The following LPP variants were observed in gnomAD, a reference collection of about 807,000 sequenced individuals.
The protein encoded by LPP is LIM domain containing preferred translocation partner in lipoma.
Under a neutral mutation model 60.4 loss-of-function variants are expected in LPP, and 38 were observed. The observed-to-expected ratio is 0.63, with a 90% confidence interval of 0.49 to 0.83. LPP has a LOEUF of 0.83. Among genes scored for constraint, LPP ranks in the 40% least tolerant of loss-of-function variants. The pLI is 0.00. For synonymous variants in LPP, 328 were observed against 290.8 expected (o/e 1.13, Z -1.30); for missense variants, 902 against 783.6 (o/e 1.15, Z -1.80).
chr3:188,884,260 A>G lies in LPP; in HGVS notation c.*9781A>G, dbSNP rs1282976049. The G allele has an allele frequency of 8.7e-6, 2 of 229,828 alleles. No homozygotes were observed. The highest frequency in any genetic ancestry group is 1.7e-5 in the Non-Finnish European group (2 of 115,998). 14.2% of individuals were successfully genotyped at this position (229,828 alleles called of 1,614,324 possible). On this transcript the variant is annotated 3_prime_UTR_variant, in exon 12 of 12. Coordinates refer to ENST00000617246, the MANE Select transcript of LPP (RefSeq NM_001375462.1). Reference sequence around the variant, plus strand: ...GCTGGGAAGTGGCAGATTTGGGGATATAACCAGGTCTTGCAAGTCCAGTGC... The same window carrying G: ...GCTGGGAAGTGGCAGATTTGGGGATGTAACCAGGTCTTGCAAGTCCAGTGC...
At chr3:188,320,084 G>T (rs1264346151) in intron 2 of LPP, among the ~76,000 whole-genome samples, 1 of 152,218 alleles carries the variant, frequency 6.6e-6, no homozygotes, top group East Asian at 1.9e-4. Flanking sequence ...GGTGAAGTAC[G>T]CTTCTCATTG....
At chr3:188,789,381 T>C (rs1023775393) in intron 9 of LPP, among the ~76,000 whole-genome samples, 2 of 152,206 alleles carry the variant, frequency 1.3e-5, no homozygotes, top group Non-Finnish European at 2.9e-5. Context: ...CCCAGGGGGC[T>C]GGCCTTGAGC....
At chr3:188,771,317 G>A (rs1307756245) in intron 9 of LPP, among the ~76,000 whole-genome samples, 1 of 152,032 alleles carries the variant, frequency 6.6e-6, no homozygotes, top group East Asian at 1.9e-4. Context: ...GGGAGGCCGA[G>A]GTGCACAGAT....
chr3:188,514,249 C>A (rs1169755454), intron 5 of LPP, among the ~76,000 whole-genome samples: 2 of 151,790 alleles, frequency 1.3e-5, no homozygotes, highest in African/African-American at 4.8e-5. Flanking sequence ...CCCTCTCTCC[C>A]TTCCTCTTTT....
At chr3:188,354,188 A>C (rs566141938) in intron 3 of LPP, among the ~76,000 whole-genome samples, 1 of 152,076 alleles carries the variant, frequency 6.6e-6, no homozygotes, top group African/African-American at 2.4e-5. Context: ...AATGTCGAGC[A>C]GTCTTCTTTT....
intron 6 of LPP, among the ~76,000 whole-genome samples, chr3:188,577,576 T>G (rs981409396): frequency 6.6e-6 from 1 of 151,094 alleles, no homozygotes; most frequent in African/African-American, 2.4e-5. Context: ...TACTATATAT[T>G]TTAATAAATT....
At chr3:188,175,225 AC>A (rs1263310237) in intron 1 of LPP, among the ~76,000 whole-genome samples, 2 of 152,062 alleles carry the variant, frequency 1.3e-5, no homozygotes, top group African/African-American at 4.8e-5. Context: ...AGCTGGGATT[AC>A]AGGTGCCTCC....
chr3:188,828,282 C>T (rs1756128191), intron 9 of LPP, among the ~76,000 whole-genome samples: 1 of 151,864 alleles, frequency 6.6e-6, no homozygotes, highest in Non-Finnish European at 1.5e-5. Flanking sequence ...CTAAGAGTCT[C>T]AGTTCCAGAG....
chr3:188,332,342 G>C (rs10470533), intron 2 of LPP, among the ~76,000 whole-genome samples: 1 of 152,228 alleles, frequency 6.6e-6, no homozygotes, highest in South Asian at 2.1e-4. Context: ...TTAACTCCTC[G>C]CTAAATGCTT....
At position 188,603,495 on chromosome 3, in the gene LPP, G is replaced by C. The variant is rs867698447; in HGVS notation, c.430-5666G>C. ...GCCACCTACTAGTGATGTGTCCTTGGGCAGTTACTTAATCTCTCGTCAATA... is the reference window on the plus strand; with the variant it reads ...GCCACCTACTAGTGATGTGTCCTTGCGCAGTTACTTAATCTCTCGTCAATA... On this transcript the variant is annotated intron_variant, in intron 6 of 11. Coordinates refer to ENST00000617246, the MANE Select transcript of LPP (RefSeq NM_001375462.1). Among the ~76,000 whole-genome samples, 3 of 151,942 alleles carry C rather than the reference G, an allele frequency of 2.0e-5. No individual in the cohort carries two copies. The South Asian group carries it at 6.2e-4, about 32-fold the overall frequency.
rs540329684 is a variant in LPP, at chr3:188,572,978, A to G, written c.430-36183A>G. Among the ~76,000 whole-genome samples, 89 of 152,252 alleles carry G rather than the reference A, an allele frequency of 5.8e-4. No individual in the cohort carries two copies. The highest frequency in any genetic ancestry group is 2.1e-3 in the African/African-American group (86 of 41,564). ...CTTATATAGCTCCTTAGCCAAAACT[A>G]TTCACATGGCCCTACCTAGCCATAG... On this transcript the variant is annotated intron_variant, in intron 6 of 11. Coordinates refer to ENST00000617246, the MANE Select transcript of LPP (RefSeq NM_001375462.1). The surrounding 1 kb of genome is among the most constrained non-coding windows in gnomAD (Gnocchi z 4.1).
chr3:188,747,606 G>T (rs1726668143), intron 8 of LPP, among the ~76,000 whole-genome samples: 2 of 152,202 alleles, frequency 1.3e-5, no homozygotes, highest in Non-Finnish European at 2.9e-5. Context: ...GACTGTGCAA[G>T]CTTCTATGGA....
At chr3:188,656,576 G>A (rs1384408324) in intron 7 of LPP, among the ~76,000 whole-genome samples, 1 of 152,224 alleles carries the variant, frequency 6.6e-6, no homozygotes, top group Non-Finnish European at 1.5e-5. Flanking sequence ...TTGCCAAATT[G>A]TAGCAAATCA....
At chr3:188,557,198 C>T (rs888602026) in intron 6 of LPP, among the ~76,000 whole-genome samples, 8 of 152,018 alleles carry the variant, frequency 5.3e-5, no homozygotes, top group Middle Eastern at 6.8e-3. Context: ...CATCTTCAGA[C>T]GTGCCTTCAT....
intron 7 of LPP, among the ~76,000 whole-genome samples, chr3:188,619,332 A>G (rs1845408096): frequency 6.6e-6 from 1 of 152,160 alleles, no homozygotes; most frequent in South Asian, 2.1e-4. Context: ...GACAGAAACC[A>G]TGCTTTATAA....
At chr3:188,561,744 G>A (rs945862438) in intron 6 of LPP, among the ~76,000 whole-genome samples, 1 of 151,734 alleles carries the variant, frequency 6.6e-6, no homozygotes, top group African/African-American at 2.4e-5. Flanking sequence ...AATTTTGCAA[G>A]GAAATACTCA....
At chr3:188,433,297 CTT>C (rs1053810386) in intron 4 of LPP, among the ~76,000 whole-genome samples, 2 of 152,056 alleles carry the variant, frequency 1.3e-5, no homozygotes, top group Admixed American at 6.6e-5. Context: ...TGAAAAATAA[CTT>C]AGGAAATTTT....
intron 1 of LPP, chr3:188,178,462 T>G (rs1379653186): frequency 4.6e-5 from 7 of 152,270 alleles, no homozygotes; most frequent in Admixed American, 4.6e-4. Flanking sequence ...GAATCTCTGT[T>G]TGTTCACATC....
Position 188,884,651 on chromosome 3 carries a change from C to T in LPP, c.*10172C>T, listed in dbSNP as rs535699016. 5.7e-5 allele frequency: 13 copies of T among 229,720 alleles called. No individual in the cohort carries two copies. The highest frequency in any genetic ancestry group is 2.9e-4 in the African/African-American group (13 of 45,230). The allele number at this position is 229,720 out of a possible 1,614,324, so 14.2% of individuals were successfully genotyped here. A position where few individuals can be genotyped will look rare whatever the true frequency, so the allele number is the denominator to read the frequency against. On this transcript the variant is annotated 3_prime_UTR_variant, in exon 12 of 12. Coordinates refer to ENST00000617246, the MANE Select transcript of LPP (RefSeq NM_001375462.1). ...GAACTGTCAGGTTCAGAATATCAAC[C>T]AAGACCATATCATTTAGAATTCATT...
Sources: allele counts gnomAD v4.1 joint callset (sites outside exome capture counted in the v4.1 genomes callset), GRCh38; gene constraint gnomAD v4.1.1; non-coding constraint Gnocchi (gnomAD v3.1); transcripts MANE v1.5; gene names NCBI Gene and HGNC (gene_info 2026-07-23, HGNC 2026-07-21).